PTPRT: variants seen among roughly 807,000 people sequenced by gnomAD.
PTPRT encodes protein tyrosine phosphatase receptor type T, also known as receptor-type tyrosine-protein phosphatase T.
PTPRT carries 56 observed loss-of-function variants against 176.8 expected under a neutral mutation model. That is an observed-to-expected ratio of 0.32 (90% CI 0.26 to 0.40). The LOEUF is 0.40. Ranked by LOEUF, PTPRT falls within the 10% of genes least tolerant of loss-of-function variation. PTPRT has a pLI of 1.00. For missense variants in PTPRT, 1,540 were observed against 1,908.2 expected, an observed-to-expected ratio of 0.81 and a Z score of 3.60; for synonymous variants, 783 against 739.0, an observed-to-expected ratio of 1.06 and a Z score of -0.96.
rs183887633 is a variant in PTPRT at position 42,880,118 on chromosome 20, G to A, written c.214+5689C>T. On this transcript the variant is annotated intron_variant, in intron 2 of 30. Coordinates refer to ENST00000373187, the MANE Select transcript of PTPRT (RefSeq NM_007050.6). The stretch of plus-strand genomic sequence containing the variant: ...TACCTGAGGAGGGGCAGGCCCGGGG[G>A]GGTTTGTGGGTGGTGCACCTGGGCT... Among the ~76,000 whole-genome samples the A allele has an allele frequency of 2.5e-3, 383 of 152,236 alleles. 1 individual carries two copies. Among genetic ancestry groups the A allele is most frequent in the African/African-American group, 8.7e-3 (363 of 41,544 alleles).
chr20:42,632,799 G>A (rs1413689575), intron 7 of PTPRT, among the ~76,000 whole-genome samples: 3 of 151,744 alleles, frequency 2.0e-5, no homozygotes, highest in Non-Finnish European at 4.4e-5. Flanking sequence ...CCTAAGGATG[G>A]TCTCAGGGAC....
chr20:42,414,595 T>C (rs1255871195), intron 9 of PTPRT, among the ~76,000 whole-genome samples: 2 of 152,124 alleles, frequency 1.3e-5, no homozygotes, highest in East Asian at 3.9e-4. Context: ...CAATGTACAA[T>C]AAACAGAAAA....
chr20:42,262,882 C>T (rs958418001), intron 13 of PTPRT, among the ~76,000 whole-genome samples: 5 of 152,160 alleles, frequency 3.3e-5, no homozygotes, highest in Admixed American at 1.3e-4. Context: ...TGCCAAGTGG[C>T]CCACCCAGTT....
At chr20:42,551,609 C>T (rs2072772169) in intron 7 of PTPRT, among the ~76,000 whole-genome samples, 1 of 152,092 alleles carries the variant, frequency 6.6e-6, no homozygotes, top group Admixed American at 6.6e-5. Flanking sequence ...GTGTCTACAT[C>T]TGTGATAGAA....
At chr20:43,051,409 T>C (rs1037512829) in intron 1 of PTPRT, among the ~76,000 whole-genome samples, 1 of 152,174 alleles carries the variant, frequency 6.6e-6, no homozygotes, top group African/African-American at 2.4e-5. Flanking sequence ...AGGTCTCTTG[T>C]CCTAGGCAGA....
At chr20:42,409,130 A>G (rs1390116148) in intron 9 of PTPRT, among the ~76,000 whole-genome samples, 1 of 152,134 alleles carries the variant, frequency 6.6e-6, no homozygotes. Context: ...ATCCTGAAAT[A>G]GTTATACCAT....
chr20:42,046,427 T>C, the PTPRT span, among the ~76,000 whole-genome samples: 1 of 152,202 alleles, frequency 6.6e-6, no homozygotes. Context: ...ATGGGGACAT[T>C]TGCAGATGAA....
chr20:42,664,645 T>G (rs965384959), intron 7 of PTPRT, among the ~76,000 whole-genome samples: 1 of 152,204 alleles, frequency 6.6e-6, no homozygotes, highest in Non-Finnish European at 1.5e-5. Flanking sequence ...AAATTTTTTA[T>G]TTTTGTAAAG....
intron 1 of PTPRT, among the ~76,000 whole-genome samples, chr20:42,936,592 C>T (rs1341727396): frequency 2.6e-5 from 4 of 152,106 alleles, no homozygotes; most frequent in South Asian, 2.1e-4. Flanking sequence ...GGGTGGAAGA[C>T]CAATGTCAGT....
intron 9 of PTPRT, among the ~76,000 whole-genome samples, chr20:42,385,737 G>C (rs2058738253): frequency 6.6e-6 from 1 of 152,146 alleles, no homozygotes; most frequent in Non-Finnish European, 1.5e-5. Context: ...GCAGGCAAGA[G>C]AGCTTGTGCA....
chr20:42,560,994 G>C (rs980710925), intron 7 of PTPRT, among the ~76,000 whole-genome samples: 1 of 152,140 alleles, frequency 6.6e-6, no homozygotes, highest in Non-Finnish European at 1.5e-5. Flanking sequence ...TCCTCCTGGG[G>C]AACAGAAGGT....
At chr20:42,522,412 T>C (rs972388304) in intron 7 of PTPRT, among the ~76,000 whole-genome samples, 4 of 152,048 alleles carry the variant, frequency 2.6e-5, no homozygotes, top group African/African-American at 9.7e-5. Flanking sequence ...CTCATCTGAC[T>C]CGTAGGCACA....
chr20:43,069,870 A>G (rs144347445), intron 1 of PTPRT, among the ~76,000 whole-genome samples: 1 of 152,284 alleles, frequency 6.6e-6, no homozygotes, highest in African/African-American at 2.4e-5. Flanking sequence ...TGTGATTTAT[A>G]CAATATCAAT....
At chr20:42,845,158 T>G (rs1165058668) in intron 2 of PTPRT, among the ~76,000 whole-genome samples, 1 of 152,152 alleles carries the variant, frequency 6.6e-6, no homozygotes, top group East Asian at 1.9e-4. Flanking sequence ...GTGAATGTAC[T>G]CAGGATCCTC....
chr20:42,770,676 A>T (rs76334900), intron 5 of PTPRT, among the ~76,000 whole-genome samples: 4,163 of 152,326 alleles, frequency 0.027, 188 homozygotes, highest in African/African-American at 0.096. Flanking sequence ...TTTACCCAGA[A>T]GTACCAGTGA....
At chr20:42,757,747 A>G (rs1161093347) in intron 5 of PTPRT, among the ~76,000 whole-genome samples, 1 of 152,208 alleles carries the variant, frequency 6.6e-6, no homozygotes, top group Non-Finnish European at 1.5e-5. Flanking sequence ...AGGTGAATAC[A>G]CGTGGGCTTT....
chr20:43,091,468 TC>T (rs2011853679), intron 1 of PTPRT, among the ~76,000 whole-genome samples: 2 of 136,242 alleles, frequency 1.5e-5, no homozygotes, highest in African/African-American at 6.7e-5. Flanking sequence ...CTCCCCCCTC[TC>T]TTTCTCTCTC....
At chr20:42,589,499 T>G (rs1276865271) in intron 7 of PTPRT, among the ~76,000 whole-genome samples, 1 of 152,170 alleles carries the variant, frequency 6.6e-6, no homozygotes, top group Admixed American at 6.5e-5. Flanking sequence ...TTCTCCTGCA[T>G]CCATCTTCTT....
rs1051239682 is a variant in PTPRT at position 42,097,365 on chromosome 20, G to A, written c.3846+1056C>T. 5.9e-5 allele frequency among the ~76,000 whole-genome samples: 9 copies of A among 152,264 alleles called. No homozygotes were observed. The South Asian group carries it at 1.9e-3, about 32-fold the overall frequency. On this transcript the variant is annotated intron_variant, in intron 27 of 30. Coordinates refer to ENST00000373187, the MANE Select transcript of PTPRT (RefSeq NM_007050.6). ...TCTGTGTATATTCATCCCCTGCCTC[G>A]CCTTTGCCTCTGCTGTTCCCTCTGC... is the stretch of plus-strand genomic sequence containing the variant.
Sources: allele counts gnomAD v4.1 joint callset (sites outside exome capture counted in the v4.1 genomes callset), GRCh38; gene constraint gnomAD v4.1.1; transcripts MANE v1.5; gene names NCBI Gene and HGNC (gene_info 2026-07-23, HGNC 2026-07-21).